SLC75A1: variants seen among roughly 807,000 people sequenced by gnomAD.
The protein encoded by SLC75A1 is solute carrier family 75 member 1.
chr4:2,930,861 C>A, the SLC75A1 span: 20 of 1,612,968 alleles, frequency 1.2e-5, no homozygotes, highest in Non-Finnish European at 1.6e-5. Flanking sequence ...AGCGTCTGTG[C>A]CGGGTAACTC....
chr4:2,931,592 C>T, the SLC75A1 span: 37 of 1,613,224 alleles, frequency 2.3e-5, no homozygotes, highest in Admixed American at 8.3e-5. Flanking sequence ...AGGGTGGATC[C>T]GCCGGGCATA....
the SLC75A1 span, chr4:2,933,879 G>C: frequency 6.3e-7 from 1 of 1,582,136 alleles, no homozygotes; most frequent in Non-Finnish European, 8.6e-7. Context: ...GCTGCTGGTG[G>C]ATGGGTGGGC....
chr4:2,933,541 CGCCAAGGGCACAGAGCCA>C, the SLC75A1 span: 1 of 1,612,094 alleles, frequency 6.2e-7, no homozygotes, highest in Non-Finnish European at 8.5e-7. Context: ...GTAGAGAGCC[CGCCAAGGGCACAGAGCCA>C]GCCATACCTC....
At chr4:2,931,368 C>G in the SLC75A1 span, 2 of 1,547,934 alleles carry the variant, frequency 1.3e-6, no homozygotes, top group East Asian at 2.4e-5. Flanking sequence ...AGGGCAGGGC[C>G]ACTCACCAAA....
At chr4:2,930,832 G>C in the SLC75A1 span, 1 of 1,612,820 alleles carries the variant, frequency 6.2e-7, no homozygotes, top group Non-Finnish European at 8.5e-7. Flanking sequence ...GGGCACAGTG[G>C]CTCAGCTACT....
chr4:2,932,112 C>T, the SLC75A1 span: 4 of 1,610,046 alleles, frequency 2.5e-6, no homozygotes, highest in Admixed American at 1.7e-5. Context: ...GGGGGCTGAG[C>T]AGATCAGCCG....
the SLC75A1 span, chr4:2,933,891 C>T: frequency 1.3e-5 from 20 of 1,575,592 alleles, no homozygotes; most frequent in African/African-American, 4.0e-5. Flanking sequence ...TGGGTGGGCG[C>T]GGGGTGCAGC....
the SLC75A1 span, chr4:2,930,742 C>A: frequency 1.4e-6 from 2 of 1,412,808 alleles, no homozygotes; most frequent in South Asian, 1.3e-5. Context: ...ACAGGGTCTC[C>A]CTGGACTGGC....
chr4:2,931,397 C>T, the SLC75A1 span: 1 of 1,550,902 alleles, frequency 6.4e-7, no homozygotes, highest in Non-Finnish European at 8.7e-7. Context: ...GCAGCAGCCC[C>T]AGGCCCAGCA....
At chr4:2,933,095 C>T in the SLC75A1 span, 3 of 1,612,822 alleles carry the variant, frequency 1.9e-6, no homozygotes, top group Admixed American at 1.7e-5. Context: ...CACCCAGGCC[C>T]AGGAACATAC....
the SLC75A1 span, chr4:2,934,388 T>C: frequency 5.4e-6 from 1 of 185,596 alleles, no homozygotes; most frequent in African/African-American, 2.5e-5. Context: ...GCGGGGGCCA[T>C]GGGGTGCACA....
At chr4:2,932,410 C>G in the SLC75A1 span, 1 of 1,613,656 alleles carries the variant, frequency 6.2e-7, no homozygotes, top group Middle Eastern at 1.6e-4. Context: ...AGGTCGGAGG[C>G]TGCGAAGAGC....
chr4:2,933,994 G>T, the SLC75A1 span: 1 of 1,474,642 alleles, frequency 6.8e-7, no homozygotes, highest in Non-Finnish European at 9.1e-7. Context: ...AGTCCTCCGG[G>T]GCCTGGCATA....
the SLC75A1 span, chr4:2,932,108 T>A: frequency 6.2e-7 from 1 of 1,609,948 alleles, no homozygotes; most frequent in African/African-American, 1.3e-5. Flanking sequence ...GCCAGGGGGC[T>A]GAGCAGATCA....
At chr4:2,932,367 A>C in the SLC75A1 span, 1 of 1,613,152 alleles carries the variant, frequency 6.2e-7, no homozygotes, top group African/African-American at 1.3e-5. Flanking sequence ...CTCCAGGGGC[A>C]GCGTCTCTGG....
At chr4:2,933,471 G>C in the SLC75A1 span, 2 of 1,356,576 alleles carry the variant, frequency 1.5e-6, no homozygotes, top group Non-Finnish European at 2.1e-6. Flanking sequence ...GGAGTGGGAA[G>C]GCAAGGACCG....
At chr4:2,933,096 A>G in the SLC75A1 span, 1 of 1,612,916 alleles carries the variant, frequency 6.2e-7, no homozygotes. Flanking sequence ...ACCCAGGCCC[A>G]GGAACATACC....
At chr4:2,932,903 C>G in the SLC75A1 span, 1 of 1,158,900 alleles carries the variant, frequency 8.6e-7, no homozygotes, top group South Asian at 1.6e-5. Context: ...CAGTGCCTTC[C>G]TAGGGGCCAG....
At chr4:2,933,373 G>C in the SLC75A1 span, among the ~76,000 whole-genome samples, 1 of 152,228 alleles carries the variant, frequency 6.6e-6, no homozygotes, top group African/African-American at 2.4e-5. Context: ...GGAGAGATGA[G>C]GAAGGATCTG....
Sources: allele counts gnomAD v4.1 joint callset (sites outside exome capture counted in the v4.1 genomes callset), GRCh38; gene constraint gnomAD v4.1.1; transcripts MANE v1.5; gene names NCBI Gene and HGNC (gene_info 2026-07-23, HGNC 2026-07-21).